The following ZBED4 variants were observed in gnomAD, a reference collection of about 807,000 sequenced individuals.
The protein encoded by ZBED4 is zinc finger BED domain-containing protein 4.
A neutral mutation model predicts 15.5 loss-of-function variants in ZBED4; 4 were observed. The ratio of observed to expected loss-of-function variants is 0.26; its 90% confidence interval spans 0.13 to 0.59. The LOEUF (loss-of-function observed/expected upper bound fraction) is 0.59. ZBED4 is among the 20% of genes least tolerant of loss of function. The pLI, the probability that ZBED4 is intolerant of heterozygous loss-of-function variation, is 0.90. For synonymous variants in ZBED4, 692 were observed against 608.5 expected (o/e 1.14, Z -2.02); for missense variants, 1,323 against 1,461.8 (o/e 0.91, Z 1.55).
chr22:49,872,641 C>T (rs547473628), intron 1 of ZBED4, among the ~76,000 whole-genome samples: 1 of 152,146 alleles, frequency 6.6e-6, no homozygotes, highest in African/African-American at 2.4e-5. Context: ...GCGAACCTCC[C>T]GTCTCAGCCT....
chr22:49,872,954 C>T (rs2147523646), intron 1 of ZBED4, among the ~76,000 whole-genome samples: 1 of 152,248 alleles, frequency 6.6e-6, no homozygotes, highest in East Asian at 1.9e-4. Context: ...CCTCGGCCTC[C>T]CAAAGTGCTA....
At position 49,885,091 on chromosome 22, in the gene ZBED4, T is replaced by G. The variant is rs1481425283; in HGVS notation, c.1429T>G (p.Cys477Gly). The G allele has an allele frequency of 3.1e-6, 5 of 1,613,548 alleles. No individual in the cohort carries two copies. In the East Asian group the frequency reaches 1.1e-4, roughly 36 times the overall value. ...LAPMDSLKAE[C>G]RYCGCAISRG... ...CCCCATGGACAGCCTCAAGGCCGAG[T>G]GTCGGTACTGCGGCTGTGCCATCAG... Residue 477 changes from cysteine to glycine, a missense_variant, in exon 2 of 2, where the codon TGT becomes GGT. Around this residue, in one of 6 missense-constraint regions of ZBED4, gnomAD observed 429 missense variants for 397.9 expected, o/e 1.08. Transcript: ENST00000216268.
Position 49,860,366 on chromosome 22 carries a change from T to G in ZBED4, c.-330+6377T>G, listed in dbSNP as rs193175342. Among the ~76,000 whole-genome samples the G allele has an allele frequency of 2.0e-5, 3 of 152,334 alleles. No homozygotes were observed. In the East Asian group the frequency reaches 5.8e-4, roughly 29 times the overall value. On this transcript the variant is annotated intron_variant, in intron 1 of 1. Transcript: ENST00000216268. ...TTACTTAATTTCTTTGATTCTTAAA[T>G]TATATGTTATTCTGAAAAATCTTAA...
chr22:49,864,943 C>CG (rs2060314138), intron 1 of ZBED4, among the ~76,000 whole-genome samples: 2 of 10,892 alleles, frequency 1.8e-4, no homozygotes, highest in African/African-American at 4.7e-4. Flanking sequence ...GCAAGCCCCC[C>CG]CCCCCCCCCG....
At chr22:49,863,515 T>A (rs746358161) in intron 1 of ZBED4, among the ~76,000 whole-genome samples, 1 of 151,936 alleles carries the variant, frequency 6.6e-6, no homozygotes, top group Non-Finnish European at 1.5e-5. Flanking sequence ...TAATCCCAGC[T>A]GCTCAGGAGG....
chr22:49,869,698 G>A (rs547077173), intron 1 of ZBED4, among the ~76,000 whole-genome samples: 1 of 152,252 alleles, frequency 6.6e-6, no homozygotes, highest in Non-Finnish European at 1.5e-5. Flanking sequence ...AAAGTGGAAA[G>A]GGTAGCATAA....
Position 49,857,961 on chromosome 22 carries a change from A to C in ZBED4, c.-330+3972A>C, listed in dbSNP as rs1430828738. Among the ~76,000 whole-genome samples, 6 of 150,428 alleles carry C rather than the reference A, an allele frequency of 4.0e-5. No homozygotes were observed. The South Asian group carries it at 8.4e-4, about 21-fold the overall frequency. On this transcript the variant is annotated intron_variant, in intron 1 of 1. Transcript: ENST00000216268. The stretch of plus-strand genomic sequence containing the variant: ...GCATTTTTAGTAGAGACGGGGTTTC[A>C]CCATGTTGGCCAGGGTGGTCTCGAT...
intron 1 of ZBED4, among the ~76,000 whole-genome samples, chr22:49,854,272 G>T (rs1265667057): frequency 6.6e-6 from 1 of 150,406 alleles, no homozygotes; most frequent in Non-Finnish European, 1.5e-5. Context: ...TGCCCGCGCC[G>T]TTGCTTCCGG....
upstream of ZBED4, chr22:49,853,806 C>T (rs930384771): frequency 3.6e-4 from 53 of 146,616 alleles, no homozygotes; most frequent in Admixed American, 2.7e-3. Flanking sequence ...CGCCCCCGGC[C>T]AGCCCCGCCC....
At chr22:49,882,726 T>C (rs1253571827) in intron 1 of ZBED4, among the ~76,000 whole-genome samples, 1 of 152,170 alleles carries the variant, frequency 6.6e-6, no homozygotes, top group African/African-American at 2.4e-5. Flanking sequence ...CTGTCTCCTC[T>C]TGGCTGCATT....
chr22:49,874,048 TGTTTTGTAGAG>T (rs1311810965), intron 1 of ZBED4, among the ~76,000 whole-genome samples: 1 of 152,256 alleles, frequency 6.6e-6, no homozygotes, highest in Non-Finnish European at 1.5e-5. Flanking sequence ...GCTCTAGTAC[TGTTTTGTAGAG>T]GCCTTACAAC....
At position 49,889,903 on chromosome 22, in the gene ZBED4, A is replaced by G. The variant is rs1283493813; in HGVS notation, c.*2725A>G. 6.0e-6 allele frequency: 1 copy of G among 167,096 alleles called. No homozygotes were observed. Among genetic ancestry groups the G allele is most frequent in the Non-Finnish European group, 1.5e-5 (1 of 68,124 alleles). The allele number at this position is 167,096 out of a possible 1,614,324, so 10.4% of individuals were successfully genotyped here. A position where few individuals can be genotyped will look rare whatever the true frequency, so the allele number is the denominator to read the frequency against. On this transcript the variant is annotated 3_prime_UTR_variant, in exon 2 of 2. Transcript: ENST00000216268. ...CCTGCCTGGAAATGATGTTTTAGGC[A>G]GGTTCCTTAATTTCTCAGGTCTGTC... is the stretch of plus-strand genomic sequence containing the variant.
Position 49,889,897 on chromosome 22 carries a change from T to G in ZBED4, c.*2719T>G, listed in dbSNP as rs1318154680. On this transcript the variant is annotated 3_prime_UTR_variant, in exon 2 of 2. Transcript: ENST00000216268. ...TGTTTCCCTGCCTGGAAATGATGTT[T>G]TAGGCAGGTTCCTTAATTTCTCAGG... The G allele has an allele frequency of 6.0e-6, 1 of 167,098 alleles. No individual in the cohort carries two copies. Among genetic ancestry groups the G allele is most frequent in the Non-Finnish European group, 1.5e-5 (1 of 68,120 alleles). The allele number at this position is 167,098 out of a possible 1,614,324, so 10.4% of individuals were successfully genotyped here. A position where few individuals can be genotyped will look rare whatever the true frequency, so the allele number is the denominator to read the frequency against.
intron 1 of ZBED4, among the ~76,000 whole-genome samples, chr22:49,854,226 C>A (rs993429432): frequency 6.7e-6 from 1 of 148,204 alleles, no homozygotes; most frequent in Non-Finnish European, 1.5e-5. Context: ...GACTGAGCGG[C>A]CGAGTGCCGG....
chr22:49,865,827 A>G (rs2060319974), intron 1 of ZBED4, among the ~76,000 whole-genome samples: 1 of 150,450 alleles, frequency 6.6e-6, no homozygotes, highest in South Asian at 2.1e-4. Context: ...CTCGAAGGTC[A>G]GTTTGGCTTA....
chr22:49,886,796 C>T lies in ZBED4; in HGVS notation c.3134C>T (p.Ala1045Val). The part of the protein sequence containing the change: ...LMNSTSEDVA[A>V]SHRCDAGSPS... ...AATTCTACCTCAGAGGACGTGGCTG[C>T]CTCCCACAGGTGTGATGCTGGCTCC... Residue 1045 changes from alanine to valine, a missense_variant, in exon 2 of 2, where the codon GCC (alanine) becomes GTC (valine). By Grantham distance (64) the Ala-to-Val change is moderately conservative (BLOSUM62 0). Transcript: ENST00000216268. The surrounding 1 kb of genome is among the most constrained non-coding windows in gnomAD (Gnocchi z 7.7). 1.2e-6 allele frequency: 2 copies of T among 1,612,668 alleles called. No individual in the cohort carries two copies. Among genetic ancestry groups the T allele is most frequent in the Non-Finnish European group, 1.7e-6 (2 of 1,179,314 alleles).
intron 1 of ZBED4, among the ~76,000 whole-genome samples, chr22:49,861,838 C>T (rs73441764): frequency 0.073 from 11,158 of 152,184 alleles, 496 homozygotes; most frequent in South Asian, 0.17. Flanking sequence ...CTGACGTTGC[C>T]GTGTGTTGCA....
chr22:49,853,599 C>G (rs898895052), upstream of ZBED4, among the ~76,000 whole-genome samples: 1 of 152,090 alleles, frequency 6.6e-6, no homozygotes, highest in Non-Finnish European at 1.5e-5. Context: ...AGCGCCGGAG[C>G]GCCCACTGCG....
At chr22:49,863,239 G>A (rs995689549) in intron 1 of ZBED4, among the ~76,000 whole-genome samples, 2 of 152,090 alleles carry the variant, frequency 1.3e-5, no homozygotes, top group African/African-American at 4.8e-5. Flanking sequence ...AGGATGGAGT[G>A]CAGTGGTGCT....
Sources: allele counts gnomAD v4.1 joint callset (sites outside exome capture counted in the v4.1 genomes callset), GRCh38; gene constraint gnomAD v4.1.1; regional missense constraint gnomAD v4.1.1; non-coding constraint Gnocchi (gnomAD v3.1); transcripts MANE v1.5; gene names NCBI Gene and HGNC (gene_info 2026-07-23, HGNC 2026-07-21).